CREB5: variants seen among roughly 807,000 people sequenced by gnomAD.
CREB5 encodes the protein cyclic AMP-responsive element-binding protein 5.
CREB5 carries 19 observed loss-of-function variants against 57.1 expected under a neutral mutation model. The observed-to-expected ratio is 0.33, with a 90% CI of 0.23 to 0.49. The LOEUF (loss-of-function observed/expected upper bound fraction) is 0.49, where lower values mean the gene tolerates loss of function less well. CREB5 is among the 20% of genes least tolerant of loss of function. The pLI is 0.99. For missense variants in CREB5, 579 were observed against 671.6 expected (o/e 0.86, Z 1.52); for synonymous variants, 238 against 238.3 (o/e 1.00, Z 0.01).
At chr7:28,303,665 T>G (rs957113182) in intron 1 of CREB5, among the ~76,000 whole-genome samples, 12 of 152,232 alleles carry the variant, frequency 7.9e-5, no homozygotes, top group African/African-American at 2.7e-4. Flanking sequence ...ATAATAGGAT[T>G]GATATAAATA....
At chr7:28,783,357 T>A (rs1475845200) in intron 7 of CREB5, among the ~76,000 whole-genome samples, 1 of 151,966 alleles carries the variant, frequency 6.6e-6, no homozygotes, top group African/African-American at 2.4e-5. Flanking sequence ...TCACCATCCA[T>A]TTTTTTTGTC....
intron 4 of CREB5, among the ~76,000 whole-genome samples, chr7:28,544,589 G>A (rs1351485865): frequency 6.6e-6 from 1 of 152,136 alleles, no homozygotes; most frequent in African/African-American, 2.4e-5. Context: ...TTTTAAGGCA[G>A]TAACATATTT....
intron 4 of CREB5, among the ~76,000 whole-genome samples, chr7:28,546,307 G>A (rs1353172666): frequency 2.0e-5 from 3 of 152,136 alleles, no homozygotes; most frequent in Middle Eastern, 3.2e-3. Flanking sequence ...GGACATTTGG[G>A]TTGTTTCCAC....
intron 4 of CREB5, among the ~76,000 whole-genome samples, chr7:28,532,484 C>G (rs1793771891): frequency 6.6e-6 from 1 of 152,180 alleles, no homozygotes; most frequent in African/African-American, 2.4e-5. Flanking sequence ...CACCCCAACC[C>G]TGGAAAAGCA....
intron 7 of CREB5, among the ~76,000 whole-genome samples, chr7:28,800,473 C>T (rs1183384882): frequency 6.6e-6 from 1 of 152,184 alleles, no homozygotes; most frequent in East Asian, 1.9e-4. Flanking sequence ...ACCTTCATCC[C>T]CTGAGCATTA....
At chr7:28,623,303 G>A (rs1797875115) in intron 5 of CREB5, among the ~76,000 whole-genome samples, 1 of 152,248 alleles carries the variant, frequency 6.6e-6, no homozygotes, top group Non-Finnish European at 1.5e-5. Context: ...ACCATGTACA[G>A]TCAAGCTAAT....
intron 1 of CREB5, among the ~76,000 whole-genome samples, chr7:28,363,406 G>A (rs1473305092): frequency 6.6e-6 from 1 of 152,026 alleles, no homozygotes; most frequent in African/African-American, 2.4e-5. Flanking sequence ...TCAGGACTGA[G>A]CCTCATGGCT....
At chr7:28,668,757 A>T (rs1411429571) in intron 5 of CREB5, among the ~76,000 whole-genome samples, 1 of 152,182 alleles carries the variant, frequency 6.6e-6, no homozygotes, top group Non-Finnish European at 1.5e-5. Flanking sequence ...TTCAGTCTGT[A>T]TTAGAATCAG....
chr7:28,416,718 C>G (rs866514961), intron 1 of CREB5, among the ~76,000 whole-genome samples: 1 of 152,194 alleles, frequency 6.6e-6, no homozygotes, highest in Admixed American at 6.5e-5. Flanking sequence ...TGTCAGAACG[C>G]TGGGGGCCTC....
At chr7:28,690,764 G>T (rs968825447) in intron 5 of CREB5, among the ~76,000 whole-genome samples, 3 of 152,210 alleles carry the variant, frequency 2.0e-5, no homozygotes, top group African/African-American at 7.2e-5. Context: ...AGTCCCTGCT[G>T]CAGGTACGGC....
At chr7:28,510,504 G>T (rs1197595306) in intron 4 of CREB5, among the ~76,000 whole-genome samples, 2 of 152,222 alleles carry the variant, frequency 1.3e-5, no homozygotes, top group Non-Finnish European at 2.9e-5. Context: ...ATATTGGAAA[G>T]ATTGGACTGG....
At chr7:28,394,700 C>T (rs1787302535) in intron 1 of CREB5, among the ~76,000 whole-genome samples, 1 of 152,102 alleles carries the variant, frequency 6.6e-6, no homozygotes, top group African/African-American at 2.4e-5. Context: ...CTACATTTGA[C>T]AGTGTGCACA....
In CREB5 at chr7:28,507,756, C is replaced by T. The variant is rs1257546458; in HGVS notation, c.291+19C>T. 2 of 1,587,180 alleles carry T rather than the reference C, an allele frequency of 1.3e-6. No individual in the cohort carries two copies. The highest frequency in any genetic ancestry group is 1.1e-5 in the South Asian group (1 of 88,314). ...CAAGCGGGTAGGTTTGCTTGGATGG[C>T]CGCCTTGAGAGGTGTCCTGCTAGAA... On this transcript the variant is annotated intron_variant, in intron 4 of 10. Coordinates refer to ENST00000357727, the MANE Select transcript of CREB5 (RefSeq NM_182898.4).
At chr7:28,476,428 T>C (rs1791071430) in intron 1 of CREB5, among the ~76,000 whole-genome samples, 1 of 152,202 alleles carries the variant, frequency 6.6e-6, no homozygotes, top group Admixed American at 6.5e-5. Context: ...TTCACAGCAC[T>C]TTGCAGTTTA....
At chr7:28,374,419 C>T (rs12535136) in intron 1 of CREB5, among the ~76,000 whole-genome samples, 25,201 of 152,020 alleles carry the variant, frequency 0.17, 2,583 homozygotes, top group Non-Finnish European at 0.24. Flanking sequence ...AATAATAGCC[C>T]CAAACTGAAA....
intron 5 of CREB5, among the ~76,000 whole-genome samples, chr7:28,676,385 T>C (rs1047024053): frequency 6.6e-6 from 1 of 152,076 alleles, no homozygotes; most frequent in African/African-American, 2.4e-5. Context: ...TGACAAAGAG[T>C]TGGTCAAATA....
At chr7:28,521,596 A>G (rs1793210297) in intron 4 of CREB5, among the ~76,000 whole-genome samples, 1 of 152,216 alleles carries the variant, frequency 6.6e-6, no homozygotes, top group African/African-American at 2.4e-5. Context: ...TTGTTTATTT[A>G]TAACCCTTCT....
intron 4 of CREB5, 60 bp from the exon 5 acceptor site, chr7:28,570,305 T>G: frequency 2.1e-4 from 328 of 1,542,542 alleles, no homozygotes; most frequent in Non-Finnish European, 2.6e-4. Flanking sequence ...TTTGAGAGCT[T>G]GAGAGTAGAA....
chr7:28,580,592 T>TGTGA (rs371355013), intron 5 of CREB5, among the ~76,000 whole-genome samples: 6 of 143,762 alleles, frequency 4.2e-5, no homozygotes, highest in East Asian at 2.1e-4. Context: ...TGTGTGTGTG[T>TGTGA]GAGAGAGAGA....
Sources: allele counts gnomAD v4.1 joint callset (sites outside exome capture counted in the v4.1 genomes callset), GRCh38; gene constraint gnomAD v4.1.1; transcripts MANE v1.5; gene names NCBI Gene and HGNC (gene_info 2026-07-23, HGNC 2026-07-21).